The following STK3 variants were observed in gnomAD, a reference collection of about 807,000 sequenced individuals.
STK3 encodes the protein serine/threonine kinase 3, also known as serine/threonine-protein kinase 3.
Under a neutral mutation model 58.0 loss-of-function variants are expected in STK3, and 41 were observed. That is an observed-to-expected ratio of 0.71 (90% confidence interval 0.55 to 0.92). The LOEUF is 0.92. Ranked by LOEUF, STK3 falls within the 40% of genes least tolerant of loss-of-function variation. The pLI, the probability that STK3 is intolerant of heterozygous loss-of-function variation, is 0.00. For missense variants in STK3, 479 were observed against 602.7 expected, an observed-to-expected ratio of 0.79 and a Z score of 2.15; for synonymous variants, 170 against 191.0, an observed-to-expected ratio of 0.89 and a Z score of 0.91.
At chr8:98,784,631 A>G (rs1406905244) in intron 1 of STK3, among the ~76,000 whole-genome samples, 1 of 152,206 alleles carries the variant, frequency 6.6e-6, no homozygotes, top group Non-Finnish European at 1.5e-5. Flanking sequence ...ACATGCAGGC[A>G]GATCTAGAGC....
At chr8:98,451,319 T>C (rs1819190628), downstream of STK3, among the ~76,000 whole-genome samples, 1 of 152,066 alleles carries the variant, frequency 6.6e-6, no homozygotes, top group Admixed American at 6.6e-5. Flanking sequence ...TTACAACCCA[T>C]AAATAAAATA....
intron 1 of STK3, among the ~76,000 whole-genome samples, chr8:98,900,217 C>T (rs1221433928): frequency 2.0e-5 from 3 of 151,794 alleles, no homozygotes; most frequent in Admixed American, 2.0e-4. Context: ...GCAGAGATTA[C>T]AGGCGCCCGC....
At position 98,800,281 on chromosome 8, in the gene STK3, G is replaced by A. The variant is rs1034924906; in HGVS notation, c.26+25234C>T. ...GACCGACCTGCTGGCACTTTCAATG[G>A]CCTAGAGAGCTCCCCTCTGGAGGAC... On this transcript the variant is annotated intron_variant, in intron 1 of 10. Coordinates refer to ENST00000419617, the MANE Select transcript of STK3 (RefSeq NM_006281.4). This position sits in a 1 kb window ranked among gnomAD's most constrained non-coding sequence, Gnocchi z 4.8. Among the ~76,000 whole-genome samples the A allele has an allele frequency of 1.1e-4, 17 of 152,148 alleles. No individual in the cohort carries two copies. Among genetic ancestry groups the A allele is most frequent in the African/African-American group, 3.6e-4 (15 of 41,440 alleles).
intron 1 of STK3, among the ~76,000 whole-genome samples, chr8:98,903,278 C>T (rs1233994344): frequency 6.6e-6 from 1 of 152,040 alleles, no homozygotes; most frequent in East Asian, 1.9e-4. Flanking sequence ...TTATACAGTC[C>T]CAAGTTATCC....
At chr8:98,564,467 G>A (rs1313614333) in intron 8 of STK3, among the ~76,000 whole-genome samples, 1 of 152,088 alleles carries the variant, frequency 6.6e-6, no homozygotes, top group Non-Finnish European at 1.5e-5. Flanking sequence ...GGTTTCCAGA[G>A]GTAGGGGAGG....
At chr8:98,447,134 G>C (rs1287565142) in intron 1 of STK3, among the ~76,000 whole-genome samples, 2 of 151,958 alleles carry the variant, frequency 1.3e-5, no homozygotes, top group African/African-American at 2.4e-5. Context: ...AATAACTATT[G>C]GGTACTAGGC....
chr8:98,539,346 G>A (rs184863983), intron 9 of STK3, among the ~76,000 whole-genome samples: 43 of 152,206 alleles, frequency 2.8e-4, no homozygotes, highest in Admixed American at 7.2e-4. Flanking sequence ...CAAAGAATAC[G>A]GCATGGAAGT....
At chr8:98,486,612 G>C (rs951354055) in intron 10 of STK3, among the ~76,000 whole-genome samples, 1 of 152,166 alleles carries the variant, frequency 6.6e-6, no homozygotes, top group Non-Finnish European at 1.5e-5. Context: ...TTTGAATTCT[G>C]GAGTGTGAAA....
intron 1 of STK3, among the ~76,000 whole-genome samples, chr8:98,886,838 C>T (rs1439846257): frequency 6.6e-6 from 1 of 152,168 alleles, no homozygotes; most frequent in East Asian, 1.9e-4. Context: ...TGGCTCATGT[C>T]TGTAATTCCA....
intron 10 of STK3, among the ~76,000 whole-genome samples, chr8:98,501,302 CAGCCCTTTGTCAGAT>C (rs1823575716): frequency 1.3e-5 from 2 of 151,678 alleles, no homozygotes; most frequent in South Asian, 4.2e-4. Flanking sequence ...TTCTGGGTAT[CAGCCCTTTGTCAGAT>C]GGGTAGATTG....
chr8:98,655,191 A>G (rs1012550703), intron 6 of STK3, among the ~76,000 whole-genome samples: 1 of 152,084 alleles, frequency 6.6e-6, no homozygotes, highest in Non-Finnish European at 1.5e-5. Context: ...CATACCTACA[A>G]CTATCTGATC....
intron 3 of STK3, chr8:98,427,764 A>G: frequency 1.9e-6 from 1 of 524,274 alleles, no homozygotes; most frequent in East Asian, 3.1e-5. Flanking sequence ...ATAGAAACAT[A>G]CCCACCCCCA....
intron 1 of STK3, among the ~76,000 whole-genome samples, chr8:98,911,788 T>A (rs1839145459): frequency 6.6e-6 from 1 of 151,808 alleles, no homozygotes; most frequent in Non-Finnish European, 1.5e-5. Context: ...TTTTTTTCTA[T>A]TTTTCTAATT....
intron 3 of STK3, among the ~76,000 whole-genome samples, chr8:98,851,792 A>G (rs1462012195): frequency 6.6e-6 from 1 of 151,970 alleles, no homozygotes; most frequent in African/African-American, 2.4e-5. Context: ...AGGCTTTTAA[A>G]TTTTTTTTGA....
chr8:98,721,060 G>C, intron 4 of STK3: 7 of 980,674 alleles, frequency 7.1e-6, no homozygotes, highest in Non-Finnish European at 8.5e-6. Context: ...AATTGTAGAA[G>C]TAAGCACACT....
At chr8:98,646,848 T>C (rs974925250) in intron 6 of STK3, among the ~76,000 whole-genome samples, 22 of 152,218 alleles carry the variant, frequency 1.4e-4, no homozygotes, top group Non-Finnish European at 3.1e-4. Flanking sequence ...ACCTAACACA[T>C]GCCACGATCA....
At chr8:98,585,183 T>C (rs1370281501) in intron 7 of STK3, among the ~76,000 whole-genome samples, 3 of 152,038 alleles carry the variant, frequency 2.0e-5, no homozygotes, top group Non-Finnish European at 4.4e-5. Context: ...GCCTATGTCC[T>C]GAATGGTAAT....
chr8:98,683,521 A>T (rs1823778274), intron 6 of STK3, among the ~76,000 whole-genome samples: 1 of 152,162 alleles, frequency 6.6e-6, no homozygotes, highest in Admixed American at 6.5e-5. Flanking sequence ...ACACACAAAG[A>T]TGAAACATAC....
At chr8:98,861,263 T>A (rs1233515704) in intron 3 of STK3, among the ~76,000 whole-genome samples, 1 of 151,670 alleles carries the variant, frequency 6.6e-6, no homozygotes, top group African/African-American at 2.4e-5. Context: ...CTCTCAGGAC[T>A]CACTCTGGGG....
Sources: allele counts gnomAD v4.1 joint callset (sites outside exome capture counted in the v4.1 genomes callset), GRCh38; gene constraint gnomAD v4.1.1; non-coding constraint Gnocchi (gnomAD v3.1); transcripts MANE v1.5; gene names NCBI Gene and HGNC (gene_info 2026-07-23, HGNC 2026-07-21).